COL11A1: variants seen among roughly 807,000 people sequenced by gnomAD.
COL11A1 encodes the protein collagen type XI alpha 1 chain.
Under a neutral mutation model 265.2 loss-of-function variants are expected in COL11A1, and 74 were observed. The observed-to-expected ratio is 0.28, with a 90% CI of 0.23 to 0.34. The LOEUF is 0.34. Among genes scored for constraint, COL11A1 ranks in the 10% least tolerant of loss-of-function variants. The pLI is 1.00. For missense variants in COL11A1, 2,165 were observed against 2,263.6 expected (o/e 0.96, Z 0.88); for synonymous variants, 816 against 727.6 (o/e 1.12, Z -1.96).
At chr1:102,977,705 T>C (rs1051289927) in intron 35 of COL11A1, among the ~76,000 whole-genome samples, 5 of 152,138 alleles carry the variant, frequency 3.3e-5, no homozygotes, top group Admixed American at 2.0e-4. Flanking sequence ...ATACTTCAAA[T>C]GAATGTATTA....
chr1:103,087,119 A>G (rs969053826), intron 1 of COL11A1, among the ~76,000 whole-genome samples: 3 of 152,202 alleles, frequency 2.0e-5, no homozygotes, highest in South Asian at 2.1e-4. Context: ...AAAAAGTAAA[A>G]TGTCCATATT....
intron 4 of COL11A1, among the ~76,000 whole-genome samples, chr1:103,063,952 A>C (rs34883734): frequency 6.6e-6 from 1 of 152,186 alleles, no homozygotes; most frequent in Non-Finnish European, 1.5e-5. Context: ...CTATGAAAAT[A>C]TGTTCAACAT....
chr1:102,970,288 T>G lies in COL11A1; in HGVS notation c.2809-16A>C. On this transcript the variant is annotated splice_polypyrimidine_tract_variant and intron_variant, in intron 36 of 66. Coordinates refer to ENST00000370096, the MANE Select transcript of COL11A1 (RefSeq NM_001854.4). The stretch of plus-strand genomic sequence containing the variant: ...CAGGTGGTCCCTGAAATTACAAATA[T>G]TAAATACCACATGTCATAAATATTT... 6.3e-7 allele frequency: 1 copy of G among 1,595,056 alleles called. No individual in the cohort carries two copies. The highest frequency in any genetic ancestry group is 8.6e-7 in the Non-Finnish European group (1 of 1,163,656).
At chr1:102,891,318 A>G (rs570840988) in intron 57 of COL11A1, among the ~76,000 whole-genome samples, 3 of 152,258 alleles carry the variant, frequency 2.0e-5, no homozygotes, top group South Asian at 2.1e-4. Context: ...CTACATCAAG[A>G]TGGTACTTTC....
intron 57 of COL11A1, among the ~76,000 whole-genome samples, chr1:102,893,679 C>T (rs1652044084): frequency 6.6e-6 from 1 of 152,102 alleles, no homozygotes; most frequent in Non-Finnish European, 1.5e-5. Flanking sequence ...CAGTATTATA[C>T]TTTCTGGAAT....
chr1:103,039,327 G>T (rs534603142), intron 4 of COL11A1, among the ~76,000 whole-genome samples: 16 of 152,156 alleles, frequency 1.1e-4, no homozygotes, highest in African/African-American at 3.6e-4. Flanking sequence ...GGATGAGCTT[G>T]CCCAGACTGA....
chr1:102,946,440 G>A (rs1229355851), intron 42 of COL11A1, among the ~76,000 whole-genome samples: 2 of 152,038 alleles, frequency 1.3e-5, no homozygotes, highest in Non-Finnish European at 2.9e-5. Context: ...GAGAAGGGCA[G>A]CTATTTTCTA....
intron 41 of COL11A1, among the ~76,000 whole-genome samples, chr1:102,950,363 C>A (rs1004345945): frequency 6.6e-6 from 1 of 152,112 alleles, no homozygotes; most frequent in African/African-American, 2.4e-5. Context: ...GACGTTTTCA[C>A]TTTTGGTAAT....
rs1409442472 is a variant in COL11A1 at position 102,995,853 on chromosome 1, T to C, written c.2340+11A>G. 6.2e-7 allele frequency: 1 copy of C among 1,600,132 alleles called. No individual in the cohort carries two copies. Among genetic ancestry groups the C allele is most frequent in the Admixed American group, 1.7e-5 (1 of 59,882 alleles). ...ACAGAAATTAATACCATCTAAACAA[T>C]TAAATTTTACCTTTTCACCTTTAGA... On this transcript the variant is annotated intron_variant, in intron 28 of 66. Transcript: ENST00000370096.
intron 46 of COL11A1, among the ~76,000 whole-genome samples, chr1:102,930,125 T>C (rs1421419863): frequency 6.6e-6 from 1 of 152,192 alleles, no homozygotes; most frequent in East Asian, 1.9e-4. Flanking sequence ...CTTTCAACAC[T>C]ATGTTGAATA....
chr1:102,995,141 A>G (rs1664503788), intron 28 of COL11A1, among the ~76,000 whole-genome samples: 1 of 152,126 alleles, frequency 6.6e-6, no homozygotes, highest in African/African-American at 2.4e-5. Context: ...GCATACAGCT[A>G]AACTCTATCA....
intron 55 of COL11A1, 21 bp downstream of exon 55, chr1:102,898,920 T>C: frequency 8.0e-7 from 1 of 1,246,202 alleles, no homozygotes; most frequent in East Asian, 2.7e-5. Context: ...ATATATTATG[T>C]ATATATTATT....
intron 28 of COL11A1, among the ~76,000 whole-genome samples, chr1:102,994,039 A>G (rs533023246): frequency 6.6e-6 from 1 of 152,266 alleles, no homozygotes; most frequent in South Asian, 2.1e-4. Flanking sequence ...AAATCTGACA[A>G]CATAGTTGTT....
At chr1:102,926,328 GA>G (rs1193782118) in intron 46 of COL11A1, among the ~76,000 whole-genome samples, 4 of 152,022 alleles carry the variant, frequency 2.6e-5, no homozygotes, top group Non-Finnish European at 5.9e-5. Context: ...ATGATGAGTT[GA>G]AAAATGAAGT....
At chr1:102,894,497 G>T (rs961916008) in intron 57 of COL11A1, among the ~76,000 whole-genome samples, 2 of 150,784 alleles carry the variant, frequency 1.3e-5, no homozygotes, top group African/African-American at 4.9e-5. Flanking sequence ...TTGTGCCACT[G>T]CACTCCAGCC....
At chr1:102,934,671 A>T in intron 45 of COL11A1, 115 bp from the exon 46 acceptor site, 1 of 811,584 alleles carries the variant, frequency 1.2e-6, no homozygotes, top group Non-Finnish European at 2.1e-6. Flanking sequence ...AGAATAACCA[A>T]GTAAAAAGTA....
intron 54 of COL11A1, among the ~76,000 whole-genome samples, chr1:102,905,313 T>C (rs1653822257): frequency 6.6e-6 from 1 of 150,504 alleles, no homozygotes; most frequent in South Asian, 2.1e-4. Context: ...ACATGGCACA[T>C]GTATACATAT....
intron 18 of COL11A1, among the ~76,000 whole-genome samples, chr1:103,005,361 C>G (rs1665500337): frequency 6.6e-6 from 1 of 152,094 alleles, no homozygotes; most frequent in South Asian, 2.1e-4. Context: ...TTAGCCTTCA[C>G]AAATTACAAG....
At chr1:102,988,760 TAAAG>T (rs1663828781) in intron 29 of COL11A1, among the ~76,000 whole-genome samples, 1 of 152,094 alleles carries the variant, frequency 6.6e-6, no homozygotes, top group Non-Finnish European at 1.5e-5. Flanking sequence ...AAAATAATAA[TAAAG>T]ATTGTTCAGC....
Sources: gnomAD v4.1 joint callset for allele counts (sites outside exome capture counted in the v4.1 genomes callset) on GRCh38, gnomAD v4.1.1 for gene constraint, MANE v1.5 for transcripts, NCBI Gene and HGNC (gene_info 2026-07-23, HGNC 2026-07-21) for gene names.